The following OSBPL1A variants were observed in gnomAD, a reference collection of about 807,000 sequenced individuals.
OSBPL1A encodes oxysterol-binding protein-related protein 1.
Under a neutral mutation model 137.1 loss-of-function variants are expected in OSBPL1A, and 80 were observed. The ratio of observed to expected loss-of-function variants is 0.58; its 90% CI spans 0.49 to 0.70. The LOEUF (loss-of-function observed/expected upper bound fraction) is 0.70. Among genes scored for constraint, OSBPL1A ranks in the 30% least tolerant of loss-of-function variants. The probability of loss-of-function intolerance (pLI) is 0.00; values close to 1 mark genes in which losing one functional copy is unlikely to be tolerated. For synonymous variants in OSBPL1A, 365 were observed against 389.7 expected, an observed-to-expected ratio of 0.94 and a Z score of 0.75; for missense variants, 970 against 1,129.4, an observed-to-expected ratio of 0.86 and a Z score of 2.02.
At chr18:24,294,257 A>G (rs1456791620) in intron 14 of OSBPL1A, among the ~76,000 whole-genome samples, 1 of 149,422 alleles carries the variant, frequency 6.7e-6, no homozygotes, top group Non-Finnish European at 1.5e-5. Context: ...ATTGAGATGG[A>G]GTCTTGCTCT....
At chr18:24,383,900 T>G (rs1906775438) in intron 1 of OSBPL1A, among the ~76,000 whole-genome samples, 1 of 152,220 alleles carries the variant, frequency 6.6e-6, no homozygotes, top group African/African-American at 2.4e-5. Context: ...TAGGGGCTGT[T>G]ATAGGCACTG....
intron 2 of OSBPL1A, among the ~76,000 whole-genome samples, chr18:24,375,271 T>C (rs1906009513): frequency 4.8e-5 from 6 of 125,476 alleles, no homozygotes; most frequent in Admixed American, 4.5e-4. Flanking sequence ...ACTGTGAGCA[T>C]GCCACTGCAC....
intron 17 of OSBPL1A, among the ~76,000 whole-genome samples, chr18:24,222,325 C>T (rs2145983440): frequency 6.6e-6 from 1 of 152,246 alleles, no homozygotes; most frequent in Non-Finnish European, 1.5e-5. Flanking sequence ...CCAACAGTTT[C>T]AGATTCTGAC....
At chr18:24,175,104 G>GTATATATA (rs775433072) in intron 21 of OSBPL1A, among the ~76,000 whole-genome samples, 1,145 of 42,420 alleles carry the variant, frequency 0.027, 83 homozygotes, top group African/African-American at 0.072. Flanking sequence ...TTTGCCATGT[G>GTATATATA]TATGTATATA....
Position 24,182,042 on chromosome 18 carries a change from A to AT in OSBPL1A, c.1678-764dup, listed in dbSNP as rs2145925017. ...ACCACACATACCATTTTTGTGAGTA[A>AT]TTTTCCAAAAGAAATTTCACAGCTT... On this transcript the variant is annotated intron_variant, in intron 18 of 27. Coordinates refer to ENST00000319481, the MANE Select transcript of OSBPL1A (RefSeq NM_080597.4). Among the ~76,000 whole-genome samples, 3 of 152,102 alleles carry AT rather than the reference A, an allele frequency of 2.0e-5. No individual in the cohort carries two copies. In the East Asian group the frequency reaches 5.8e-4, roughly 29 times the overall value.
At chr18:24,185,331 T>C (rs1285028614) in intron 18 of OSBPL1A, among the ~76,000 whole-genome samples, 1 of 124,012 alleles carries the variant, frequency 8.1e-6, no homozygotes, top group Non-Finnish European at 1.5e-5. Flanking sequence ...CTTTTTTCTT[T>C]TTTTTTTTTT....
chr18:24,246,096 C>T (rs541812553), intron 15 of OSBPL1A, among the ~76,000 whole-genome samples: 4 of 152,098 alleles, frequency 2.6e-5, no homozygotes, highest in Non-Finnish European at 2.9e-5. Flanking sequence ...CCTGTAATCC[C>T]AGCTACTTGG....
chr18:24,349,328 A>T (rs2091399030), intron 4 of OSBPL1A, among the ~76,000 whole-genome samples: 1 of 152,208 alleles, frequency 6.6e-6, no homozygotes, highest in South Asian at 2.1e-4. Flanking sequence ...AGTTTGAAAG[A>T]CATGAAAATG....
At chr18:24,293,000 G>C (rs1026002760) in intron 14 of OSBPL1A, among the ~76,000 whole-genome samples, 3 of 151,316 alleles carry the variant, frequency 2.0e-5, no homozygotes, top group African/African-American at 7.3e-5. Context: ...CAGCTACTCA[G>C]GAGGCTGAGG....
intron 4 of OSBPL1A, 112 bp downstream of exon 4, chr18:24,366,780 T>A (rs1243491775): frequency 5.7e-6 from 6 of 1,059,368 alleles, no homozygotes; most frequent in Non-Finnish European, 6.7e-6. Context: ...TGTATACATT[T>A]TTTTGTGTGG....
chr18:24,255,614 C>A (rs1382895703), intron 15 of OSBPL1A, among the ~76,000 whole-genome samples: 1 of 152,146 alleles, frequency 6.6e-6, no homozygotes. Flanking sequence ...CAGACCGAAC[C>A]AATGTTCATC....
At chr18:24,297,444 GT>G (rs1318840189) in intron 14 of OSBPL1A, among the ~76,000 whole-genome samples, 1 of 152,038 alleles carries the variant, frequency 6.6e-6, no homozygotes, top group East Asian at 1.9e-4. Flanking sequence ...CAAAGAACCA[GT>G]TTTTTGTTTC....
chr18:24,338,295 T>A (rs912990724), intron 5 of OSBPL1A, among the ~76,000 whole-genome samples: 1 of 151,894 alleles, frequency 6.6e-6, no homozygotes, highest in South Asian at 2.1e-4. Context: ...TTAGCCAGGA[T>A]GGTCTCGATC....
rs560956091 is a variant in OSBPL1A, at chr18:24,175,987, C to T, written c.2093+2026G>A. 8.5e-5 allele frequency among the ~76,000 whole-genome samples: 13 copies of T among 152,350 alleles called. No individual in the cohort carries two copies. The South Asian group carries it at 1.4e-3, about 17-fold the overall frequency. On this transcript the variant is annotated intron_variant, in intron 21 of 27. Transcript: ENST00000319481. Reference sequence around the variant, plus strand: ...TCAATTTCTGGATTCCCTTCCCCGTCGCATTAATCTATACTTTGTCTATAG... The same window carrying T: ...TCAATTTCTGGATTCCCTTCCCCGTTGCATTAATCTATACTTTGTCTATAG...
At chr18:24,170,126 T>G (rs2086239639) in intron 24 of OSBPL1A, among the ~76,000 whole-genome samples, 1 of 137,244 alleles carries the variant, frequency 7.3e-6, no homozygotes. Flanking sequence ...AAAAAACTGA[T>G]AGGTGTCCAC....
At chr18:24,174,753 T>C (rs929120451) in intron 21 of OSBPL1A, among the ~76,000 whole-genome samples, 3 of 152,280 alleles carry the variant, frequency 2.0e-5, no homozygotes, top group African/African-American at 7.2e-5. Context: ...TAACTGATGC[T>C]GTTGAACATC....
chr18:24,296,257 T>C (rs898330729), intron 14 of OSBPL1A, among the ~76,000 whole-genome samples: 1 of 152,218 alleles, frequency 6.6e-6, no homozygotes, highest in Non-Finnish European at 1.5e-5. Context: ...TTTTATTTTT[T>C]TGCAACTGTT....
chr18:24,264,956 CTT>C (rs987863073), intron 15 of OSBPL1A, among the ~76,000 whole-genome samples: 2 of 152,148 alleles, frequency 1.3e-5, no homozygotes, highest in Non-Finnish European at 2.9e-5. Flanking sequence ...CACTTTCAAA[CTT>C]TTCTATGGAG....
At chr18:24,199,384 C>T (rs1038077526) in intron 17 of OSBPL1A, among the ~76,000 whole-genome samples, 36 of 151,916 alleles carry the variant, frequency 2.4e-4, no homozygotes, top group African/African-American at 7.7e-4. Flanking sequence ...CCCCCAGCTC[C>T]CCCGGCTCCC....
Sources: allele counts gnomAD v4.1 joint callset (sites outside exome capture counted in the v4.1 genomes callset), GRCh38; gene constraint gnomAD v4.1.1; transcripts MANE v1.5; gene names NCBI Gene and HGNC (gene_info 2026-07-23, HGNC 2026-07-21).